The following ANKS1A variants were observed in gnomAD, a reference collection of about 807,000 sequenced individuals.
The protein encoded by ANKS1A is ankyrin repeat and SAM domain-containing protein 1A.
In ANKS1A, 55 loss-of-function variants were observed where a neutral mutation model predicts 120.3. The observed-to-expected ratio is 0.46, with a 90% CI of 0.37 to 0.57. The LOEUF (loss-of-function observed/expected upper bound fraction) is 0.57. ANKS1A is among the 20% of genes least tolerant of loss of function. The pLI is 0.00. For synonymous variants in ANKS1A, 590 were observed against 604.7 expected (o/e 0.98, Z 0.36); for missense variants, 1,123 against 1,480.3 (o/e 0.76, Z 3.96).
chr6:34,956,751 A>G (rs1402980896), intron 1 of ANKS1A, among the ~76,000 whole-genome samples: 1 of 152,102 alleles, frequency 6.6e-6, no homozygotes, highest in African/African-American at 2.4e-5. Flanking sequence ...AGGGCCTCTG[A>G]TTTCAGTACA....
At chr6:34,894,499 A>G (rs1766976699) in intron 1 of ANKS1A, among the ~76,000 whole-genome samples, 1 of 152,108 alleles carries the variant, frequency 6.6e-6, no homozygotes, top group Admixed American at 6.5e-5. Context: ...GAAAAATACA[A>G]ACATTAGCCA....
intron 3 of ANKS1A, among the ~76,000 whole-genome samples, chr6:34,972,027 A>G (rs1004368110): frequency 6.6e-6 from 1 of 152,264 alleles, no homozygotes; most frequent in African/African-American, 2.4e-5. Context: ...GGAAATGCAT[A>G]ATGAAGTTTG....
At chr6:34,996,455 A>G (rs1772858117) in intron 10 of ANKS1A, among the ~76,000 whole-genome samples, 1 of 152,134 alleles carries the variant, frequency 6.6e-6, no homozygotes, top group Non-Finnish European at 1.5e-5. Context: ...CTGTTTTTAA[A>G]AAATGGATAA....
At chr6:34,947,303 T>C (rs1440558588) in intron 1 of ANKS1A, among the ~76,000 whole-genome samples, 1 of 151,982 alleles carries the variant, frequency 6.6e-6, no homozygotes, top group African/African-American at 2.4e-5. Flanking sequence ...CCCGCCACCA[T>C]GCCTGACTAA....
At chr6:35,066,817 G>T (rs918017047) in intron 13 of ANKS1A, among the ~76,000 whole-genome samples, 4 of 152,174 alleles carry the variant, frequency 2.6e-5, no homozygotes, top group African/African-American at 9.7e-5. Flanking sequence ...AGTGGTTCCT[G>T]CTCCTTCTGC....
intron 8 of ANKS1A, among the ~76,000 whole-genome samples, chr6:34,986,927 A>T (rs1240260705): frequency 6.6e-6 from 1 of 152,244 alleles, no homozygotes; most frequent in Non-Finnish European, 1.5e-5. Flanking sequence ...TGGTACTTAT[A>T]GGTGATGCCC....
intron 1 of ANKS1A, among the ~76,000 whole-genome samples, chr6:34,902,991 T>C (rs1217415848): frequency 2.6e-5 from 4 of 152,140 alleles, no homozygotes; most frequent in South Asian, 2.1e-4. Context: ...TCTCATTCAA[T>C]TGGCAGATAT....
intron 1 of ANKS1A, among the ~76,000 whole-genome samples, chr6:34,913,673 G>A (rs1768011001): frequency 6.6e-6 from 1 of 152,092 alleles, no homozygotes; most frequent in South Asian, 2.1e-4. Context: ...GTTTTGCTCT[G>A]TTGCCCAGGC....
intron 2 of ANKS1A, among the ~76,000 whole-genome samples, chr6:34,968,106 A>G (rs1036303919): frequency 7.9e-5 from 12 of 152,182 alleles, no homozygotes; most frequent in African/African-American, 2.9e-4. Flanking sequence ...TTAGCCCTGT[A>G]CACAAGAACC....
In ANKS1A at chr6:35,089,084, G is replaced by A; in HGVS notation, c.*475G>A. On this transcript the variant is annotated 3_prime_UTR_variant, in exon 24 of 24. Coordinates refer to ENST00000360359, the MANE Select transcript of ANKS1A (RefSeq NM_015245.3). The stretch of plus-strand genomic sequence containing the variant: ...GGGTCGGAAGAGAAGGCGGTGGCCT[G>A]TGGGTGAGGGGAACGGAGCAGGCTC... The A allele has an allele frequency of 9.5e-7, 1 of 1,048,608 alleles. No individual in the cohort carries two copies. The highest frequency in any genetic ancestry group is 1.2e-6 in the Non-Finnish European group (1 of 866,708). The allele number at this position is 1,048,608 out of a possible 1,614,324, so 65.0% of individuals were successfully genotyped here. A position where few individuals can be genotyped will look rare whatever the true frequency, so the allele number is the denominator to read the frequency against.
At chr6:34,997,200 T>TC (rs1772901696) in intron 10 of ANKS1A, among the ~76,000 whole-genome samples, 1 of 149,948 alleles carries the variant, frequency 6.7e-6, no homozygotes. Flanking sequence ...GTAGAATTTT[T>TC]TTTTTTTTTT....
At chr6:35,029,852 C>A (rs1199623257) in intron 11 of ANKS1A, among the ~76,000 whole-genome samples, 1 of 148,908 alleles carries the variant, frequency 6.7e-6, no homozygotes, top group Non-Finnish European at 1.5e-5. Flanking sequence ...GTTACATATT[C>A]TATATATATA....
In ANKS1A at chr6:34,924,131, T is replaced by TGTGTGTGTG. The variant is rs1561850542; in HGVS notation, c.197+34532_197+34533insGTGTGTGTG. On this transcript the variant is annotated intron_variant, in intron 1 of 23. Coordinates refer to ENST00000360359, the MANE Select transcript of ANKS1A (RefSeq NM_015245.3). ...TGTGTGTGTGTGTGTGTGTGTGTAT[T>TGTGTGTGTG]TTTCTTTTCCCCTGTATTTGTGGGT... 1.2e-4 allele frequency among the ~76,000 whole-genome samples: 14 copies of TGTGTGTGTG among 121,396 alleles called. 1 individual carries two copies. The highest frequency in any genetic ancestry group is 4.5e-4 in the African/African-American group (14 of 31,084). The allele number at this position is 121,396 out of a possible 152,430, so 79.6% of individuals were successfully genotyped here.
intron 2 of ANKS1A, among the ~76,000 whole-genome samples, chr6:34,967,781 T>C (rs764207590): frequency 1.3e-5 from 2 of 152,040 alleles, no homozygotes; most frequent in South Asian, 4.1e-4. Flanking sequence ...TCATTCAGCA[T>C]TTCTGTGTCT....
intron 1 of ANKS1A, among the ~76,000 whole-genome samples, chr6:34,962,843 T>C (rs920117658): frequency 6.6e-6 from 1 of 151,344 alleles, no homozygotes; most frequent in African/African-American, 2.4e-5. Flanking sequence ...CTTAGTGCTT[T>C]TTTCTTTCTT....
intron 10 of ANKS1A, among the ~76,000 whole-genome samples, chr6:35,011,736 A>G (rs1447761220): frequency 6.6e-6 from 1 of 152,240 alleles, no homozygotes. Flanking sequence ...TTGCAGAGTC[A>G]GGAGAAGGGA....
At chr6:34,990,406 T>C (rs951108827) in intron 9 of ANKS1A, among the ~76,000 whole-genome samples, 2 of 152,082 alleles carry the variant, frequency 1.3e-5, no homozygotes, top group African/African-American at 2.4e-5. Flanking sequence ...CTCTGGATAA[T>C]AACACATTTC....
intron 10 of ANKS1A, among the ~76,000 whole-genome samples, chr6:35,016,781 A>AG (rs554356571): frequency 0.029 from 3,887 of 134,368 alleles, 62 homozygotes; most frequent in African/African-American, 0.048. Context: ...AAAAAAAAAA[A>AG]AGAGAGAGAG....
intron 3 of ANKS1A, among the ~76,000 whole-genome samples, chr6:34,978,825 A>G (rs1321868678): frequency 1.4e-5 from 2 of 144,230 alleles, no homozygotes; most frequent in Non-Finnish European, 3.0e-5. Flanking sequence ...AAAAAAAAAA[A>G]GAGTTTCCTA....
Sources: allele counts gnomAD v4.1 joint callset (sites outside exome capture counted in the v4.1 genomes callset), GRCh38; gene constraint gnomAD v4.1.1; transcripts MANE v1.5; gene names NCBI Gene and HGNC (gene_info 2026-07-23, HGNC 2026-07-21).